Variants in PLB1 observed in about 807,000 individuals in gnomAD.
PLB1 encodes the protein phospholipase B1, membrane-associated.
PLB1 carries 242 observed loss-of-function variants against 227.4 expected under a neutral mutation model. The ratio of observed to expected loss-of-function variants is 1.06; its 90% CI spans 0.96 to 1.18. PLB1 has a LOEUF of 1.18. Among genes scored for constraint, PLB1 ranks in the 50% most tolerant of loss-of-function variants. PLB1 has a pLI of 0.00. For missense variants in PLB1, 1,858 were observed against 1,816.3 expected (o/e 1.02, Z -0.42); for synonymous variants, 757 against 682.2 (o/e 1.11, Z -1.71).
At chr2:28,578,489 A>G (rs887312877) in intron 22 of PLB1, among the ~76,000 whole-genome samples, 1 of 152,160 alleles carries the variant, frequency 6.6e-6, no homozygotes, top group Non-Finnish European at 1.5e-5. Flanking sequence ...AGGGCTCTGT[A>G]TAAGACACGG....
intron 4 of PLB1, among the ~76,000 whole-genome samples, chr2:28,521,577 G>A (rs2148181606): frequency 6.6e-6 from 1 of 152,168 alleles, no homozygotes; most frequent in Non-Finnish European, 1.5e-5. Flanking sequence ...TCATGCACTT[G>A]TTGTTAATAA....
At chr2:28,592,913 T>C (rs905495267) in intron 32 of PLB1, among the ~76,000 whole-genome samples, 194 bp downstream of exon 32, 13 of 152,224 alleles carry the variant, frequency 8.5e-5, no homozygotes, top group Non-Finnish European at 1.6e-4. Context: ...GAAATCTTTT[T>C]TGGGAGTGAA....
At chr2:28,539,442 C>G (rs1672162637) in intron 11 of PLB1, among the ~76,000 whole-genome samples, 1 of 152,170 alleles carries the variant, frequency 6.6e-6, no homozygotes, top group Non-Finnish European at 1.5e-5. Context: ...GCCAGAGGCT[C>G]TCCTCAGTGC....
At position 28,580,188 on chromosome 2, in the gene PLB1, G is replaced by A. The variant is rs187173568; in HGVS notation, c.1566+481G>A. Among the ~76,000 whole-genome samples, 12 of 152,324 alleles carry A rather than the reference G, an allele frequency of 7.9e-5. No homozygotes were observed. In the East Asian group the frequency reaches 1.3e-3, roughly 17 times the overall value. On this transcript the variant is annotated intron_variant, in intron 23 of 57. Coordinates refer to ENST00000327757, the MANE Select transcript of PLB1 (RefSeq NM_153021.5). ...AAGGCTGCTGCTCCATGGATGCTGC[G>A]TGTCCTCCTGGAACCTCAGTCTCTG...
intron 40 of PLB1, among the ~76,000 whole-genome samples, chr2:28,604,395 A>G (rs951730368): frequency 6.6e-6 from 1 of 152,172 alleles, no homozygotes; most frequent in Non-Finnish European, 1.5e-5. Flanking sequence ...GGTTCTTCCC[A>G]GGTTTTTATC....
chr2:28,567,725 G>T (rs1369529721), intron 20 of PLB1, among the ~76,000 whole-genome samples: 5 of 152,058 alleles, frequency 3.3e-5, no homozygotes, highest in African/African-American at 1.2e-4. Context: ...GCCCGCCTTG[G>T]CCTCCCAAAG....
At chr2:28,551,258 C>T (rs753689656) in intron 16 of PLB1, among the ~76,000 whole-genome samples, 3 of 152,196 alleles carry the variant, frequency 2.0e-5, no homozygotes, top group Admixed American at 6.5e-5. Flanking sequence ...TGGTAGGGGG[C>T]CCCTGACGGG....
At chr2:28,519,032 T>C (rs1051207061) in intron 3 of PLB1, among the ~76,000 whole-genome samples, 3 of 152,212 alleles carry the variant, frequency 2.0e-5, no homozygotes, top group African/African-American at 7.2e-5. Flanking sequence ...TTCTTACTGT[T>C]ATATAAGGAC....
intron 29 of PLB1, 52 bp from the exon 30 acceptor site, chr2:28,591,081 G>A (rs1681832122): frequency 6.2e-7 from 1 of 1,609,404 alleles, no homozygotes; most frequent in African/African-American, 1.3e-5. Flanking sequence ...GTGCTGACAA[G>A]CAGAGAAGTG....
At chr2:28,526,107 AT>A (rs1489938391) in intron 6 of PLB1, among the ~76,000 whole-genome samples, 162 bp downstream of exon 6, 1 of 152,208 alleles carries the variant, frequency 6.6e-6, no homozygotes, top group South Asian at 2.1e-4. Flanking sequence ...AAGCCAGGAT[AT>A]GAAAAATCAC....
At chr2:28,632,192 C>T (rs773653930) in intron 55 of PLB1, 52 bp downstream of exon 55, 10 of 1,411,378 alleles carry the variant, frequency 7.1e-6, no homozygotes, top group East Asian at 2.3e-5. Context: ...TTATCACAGA[C>T]GATGGATGTA....
chr2:28,567,261 AC>A (rs1461356842), intron 20 of PLB1, among the ~76,000 whole-genome samples: 2 of 151,922 alleles, frequency 1.3e-5, no homozygotes, highest in Admixed American at 1.3e-4. Context: ...CCAGCAGATC[AC>A]CCCCGCGAGA....
intron 54 of PLB1, 125 bp from the exon 55 acceptor site, chr2:28,631,911 C>A: frequency 2.7e-6 from 2 of 734,856 alleles, no homozygotes; most frequent in Non-Finnish European, 4.8e-6. Context: ...CTAGAGTAGC[C>A]CCTTAAAGTC....
At position 28,620,260 on chromosome 2, in the gene PLB1, T is replaced by A; in HGVS notation, c.3316-5T>A. ...AGCCCTGAACTTTCTTTTTGCTTTT[T>A]ACAGACAGCAGTGGGAGCTCGACCA... On this transcript the variant is annotated splice_region_variant and splice_polypyrimidine_tract_variant and intron_variant, in intron 46 of 57. Coordinates refer to ENST00000327757, the MANE Select transcript of PLB1 (RefSeq NM_153021.5). 2 of 1,591,516 alleles carry A rather than the reference T, an allele frequency of 1.3e-6. No individual in the cohort carries two copies. The highest frequency in any genetic ancestry group is 1.7e-6 in the Non-Finnish European group (2 of 1,166,270).
chr2:28,553,101 C>T (rs967412216), intron 17 of PLB1, 110 bp downstream of exon 17: 6 of 874,484 alleles, frequency 6.9e-6, no homozygotes, highest in African/African-American at 6.7e-5. Flanking sequence ...TCAGGGACAA[C>T]AGAAATAACT....
intron 44 of PLB1, among the ~76,000 whole-genome samples, chr2:28,615,681 C>T (rs549986629): frequency 5.9e-5 from 9 of 152,320 alleles, no homozygotes; most frequent in Admixed American, 2.6e-4. Flanking sequence ...TCTTGTGAAT[C>T]AGGCATTTCT....
chr2:28,600,723 T>C, intron 35 of PLB1, 86 bp from the exon 36 acceptor site: 1 of 1,293,054 alleles, frequency 7.7e-7, no homozygotes, highest in Non-Finnish European at 1.1e-6. Context: ...GGGATGATAC[T>C]GTAGAAGCCT....
intron 17 of PLB1, among the ~76,000 whole-genome samples, chr2:28,559,999 G>A (rs372560707): frequency 2.0e-5 from 3 of 152,132 alleles, no homozygotes; most frequent in East Asian, 3.9e-4. Flanking sequence ...TGATCTGCCC[G>A]TGTCGGCCTC....
chr2:28,585,465 C>T (rs973267876), intron 25 of PLB1: 3 of 297,626 alleles, frequency 1.0e-5, no homozygotes, highest in South Asian at 7.4e-5. Flanking sequence ...TTAGTAGAGA[C>T]GGGGTTTCGC....
Sources: gnomAD v4.1 joint callset for allele counts (sites outside exome capture counted in the v4.1 genomes callset) on GRCh38, gnomAD v4.1.1 for gene constraint, MANE v1.5 for transcripts, NCBI Gene and HGNC (gene_info 2026-07-23, HGNC 2026-07-21) for gene names.